The following FAM13B variants were observed in gnomAD, a reference collection of about 807,000 sequenced individuals.
FAM13B encodes family with sequence similarity 13 member B, also known as protein FAM13B.
A neutral mutation model predicts 117.3 loss-of-function variants in FAM13B; 60 were observed. The ratio of observed to expected loss-of-function variants is 0.51; its 90% CI spans 0.42 to 0.63. The LOEUF is 0.63. Among genes scored for constraint, FAM13B ranks in the 30% least tolerant of loss-of-function variants. The pLI is 0.00. For synonymous variants in FAM13B, 332 were observed against 356.1 expected, an observed-to-expected ratio of 0.93 and a Z score of 0.76; for missense variants, 972 against 1,091.9, an observed-to-expected ratio of 0.89 and a Z score of 1.55.
At chr5:137,955,234 C>A (rs528829115) in intron 14 of FAM13B, among the ~76,000 whole-genome samples, 1 of 152,270 alleles carries the variant, frequency 6.6e-6, no homozygotes, top group South Asian at 2.1e-4. Flanking sequence ...ACATGGAACA[C>A]TCACCAAATG....
intron 10 of FAM13B, among the ~76,000 whole-genome samples, chr5:137,970,021 G>A (rs1395746335): frequency 1.3e-5 from 2 of 152,196 alleles, no homozygotes; most frequent in Admixed American, 6.5e-5. Flanking sequence ...ATGGAACCAA[G>A]TTGGAAAACA....
chr5:137,988,995 T>C (rs1416855874), intron 7 of FAM13B, among the ~76,000 whole-genome samples: 2 of 152,226 alleles, frequency 1.3e-5, no homozygotes, highest in Admixed American at 6.5e-5. Context: ...TGAACAGTAG[T>C]ATTAGCCATT....
Position 137,968,498 on chromosome 5 carries a change from T to A in FAM13B, c.1180-6029A>T, listed in dbSNP as rs184089399. On this transcript the variant is annotated intron_variant, in intron 10 of 23. Coordinates refer to ENST00000689681, the MANE Select transcript of FAM13B (RefSeq NM_001385994.1). ...TTCAGCCTGGCTAACCAATACATTA[T>A]AGGACTGTGGTTTATGTAGCACCTA... is the stretch of plus-strand genomic sequence containing the variant. Among the ~76,000 whole-genome samples the A allele has an allele frequency of 4.7e-4, 71 of 151,096 alleles. No individual in the cohort carries two copies. In the East Asian group the frequency reaches 9.8e-3, roughly 21 times the overall value.
chr5:137,995,444 C>A (rs1779624144), intron 7 of FAM13B, among the ~76,000 whole-genome samples: 1 of 152,050 alleles, frequency 6.6e-6, no homozygotes. Flanking sequence ...CTAAAATATG[C>A]AAAATAGTGC....
At chr5:137,975,995 T>TTTTTTTTTTTTTTTTTA (rs1773849176) in intron 10 of FAM13B, among the ~76,000 whole-genome samples, 1 of 149,682 alleles carries the variant, frequency 6.7e-6, no homozygotes, top group African/African-American at 2.5e-5. Context: ...TTTTTTTTTT[T>TTTTTTTTTTTTTTTTTA]GAGACAGTCT....
chr5:138,001,108 A>T (rs1226949393), intron 7 of FAM13B, among the ~76,000 whole-genome samples: 1 of 152,150 alleles, frequency 6.6e-6, no homozygotes, highest in Non-Finnish European at 1.5e-5. Flanking sequence ...TAAGGGTACT[A>T]ATGTTTGTGA....
At chr5:138,046,594 G>C (rs1218152754) in intron 1 of FAM13B, among the ~76,000 whole-genome samples, 5 of 152,186 alleles carry the variant, frequency 3.3e-5, no homozygotes, top group African/African-American at 9.6e-5. Context: ...AAGTGTAAGT[G>C]GTAGTCTCTG....
chr5:137,984,173 A>C (rs778328010), intron 10 of FAM13B, among the ~76,000 whole-genome samples: 15 of 152,212 alleles, frequency 9.9e-5, no homozygotes, highest in South Asian at 4.1e-4. Context: ...AACATGCCAC[A>C]CCAAATTATT....
At position 137,942,797 on chromosome 5, in the gene FAM13B, T is replaced by C. The variant is rs934775600; in HGVS notation, c.2588+78A>G. 22 of 1,275,454 alleles carry C rather than the reference T, an allele frequency of 1.7e-5. No individual in the cohort carries two copies. The African/African-American group carries it at 3.3e-4, about 19-fold the overall frequency. The allele number at this position is 1,275,454 out of a possible 1,614,324, so 79.0% of individuals were successfully genotyped here. A position where few individuals can be genotyped will look rare whatever the true frequency, so the allele number is the denominator to read the frequency against. On this transcript the variant is annotated intron_variant, in intron 22 of 23. Transcript: ENST00000689681. ...GATTCATCTCCTATTAATTCCTTAATACTCATTTAACATCAAATTTCTTGG... is the reference window on the plus strand; with the variant it reads ...GATTCATCTCCTATTAATTCCTTAACACTCATTTAACATCAAATTTCTTGG...
intron 1 of FAM13B, among the ~76,000 whole-genome samples, chr5:138,027,316 T>C (rs1788687186): frequency 6.6e-6 from 1 of 152,194 alleles, no homozygotes; most frequent in Admixed American, 6.6e-5. Context: ...TACATCCCTA[T>C]TATCACTGGT....
At chr5:138,034,758 A>C (rs1285721845), upstream of FAM13B, among the ~76,000 whole-genome samples, 1 of 152,170 alleles carries the variant, frequency 6.6e-6, no homozygotes, top group African/African-American at 2.4e-5. Flanking sequence ...TAAATATCTT[A>C]AATGAAAGCT....
intron 1 of FAM13B, among the ~76,000 whole-genome samples, chr5:138,024,116 T>C (rs1363978883): frequency 6.6e-6 from 1 of 152,060 alleles, no homozygotes; most frequent in African/African-American, 2.4e-5. Flanking sequence ...TCCCTTCACA[T>C]CTGTGGTGGG....
chr5:138,010,183 G>A (rs1436900283), intron 6 of FAM13B, among the ~76,000 whole-genome samples: 1 of 152,090 alleles, frequency 6.6e-6, no homozygotes, highest in African/African-American at 2.4e-5. Flanking sequence ...GTTTCACCAT[G>A]TTGGCCGGGC....
At chr5:137,942,106 G>A (rs1762025277) in intron 22 of FAM13B, 61 bp from the exon 23 acceptor site, 3 of 1,392,172 alleles carry the variant, frequency 2.2e-6, no homozygotes, top group South Asian at 1.2e-5. Flanking sequence ...CTTAAGAGAG[G>A]TTCTATTTCT....
intron 15 of FAM13B, among the ~76,000 whole-genome samples, chr5:137,953,824 C>T (rs1051761291): frequency 2.0e-5 from 3 of 152,178 alleles, no homozygotes; most frequent in Non-Finnish European, 4.4e-5. Context: ...CTGCTCAGCA[C>T]CATTTGCTGC....
At chr5:137,950,875 T>C (rs1320072626) in intron 17 of FAM13B, among the ~76,000 whole-genome samples, 3 of 152,000 alleles carry the variant, frequency 2.0e-5, no homozygotes, top group Non-Finnish European at 2.9e-5. Context: ...AACAGAAGTA[T>C]AGGGGAAAAT....
chr5:137,985,013 C>T (rs1202270607), intron 10 of FAM13B, among the ~76,000 whole-genome samples: 1 of 152,184 alleles, frequency 6.6e-6, no homozygotes, highest in East Asian at 1.9e-4. Context: ...TCATGATCTG[C>T]CCGCCTTGGC....
In FAM13B at chr5:137,939,747, A is replaced by T; in HGVS notation, c.*478T>A. 2 of 586,522 alleles carry T rather than the reference A, an allele frequency of 3.4e-6. No individual in the cohort carries two copies. Among genetic ancestry groups the T allele is most frequent in the Non-Finnish European group, 4.5e-6 (2 of 444,728 alleles). The allele number at this position is 586,522 out of a possible 1,614,324, so 36.3% of individuals were successfully genotyped here. A position where few individuals can be genotyped will look rare whatever the true frequency, so the allele number is the denominator to read the frequency against. ...TTTTGGTTTTCTAGGAAAACAGAGAACACAGTTGCGTATGTGCACTTTTAT... is the reference window on the plus strand; with the variant it reads ...TTTTGGTTTTCTAGGAAAACAGAGATCACAGTTGCGTATGTGCACTTTTAT... On this transcript the variant is annotated 3_prime_UTR_variant, in exon 24 of 24. Transcript: ENST00000689681.
intron 9 of FAM13B, among the ~76,000 whole-genome samples, 155 bp from the exon 10 acceptor site, chr5:137,985,544 T>C (rs1561495760): frequency 6.6e-6 from 1 of 152,222 alleles, no homozygotes; most frequent in Non-Finnish European, 1.5e-5. Flanking sequence ...CTTGCTAAAT[T>C]AGATTATTAA....
Sources: allele counts gnomAD v4.1 joint callset (sites outside exome capture counted in the v4.1 genomes callset), GRCh38; gene constraint gnomAD v4.1.1; transcripts MANE v1.5; gene names NCBI Gene and HGNC (gene_info 2026-07-23, HGNC 2026-07-21).